The following AGBL4 variants were observed in gnomAD, a reference collection of about 807,000 sequenced individuals.
AGBL4 encodes the protein cytosolic carboxypeptidase 6.
A neutral mutation model predicts 66.4 loss-of-function variants in AGBL4; 58 were observed. That is an observed-to-expected ratio of 0.87 (90% CI 0.71 to 1.09). The LOEUF (loss-of-function observed/expected upper bound fraction) is 1.09, where lower values mean the gene tolerates loss of function less well. AGBL4 is among the 50% of genes least tolerant of loss of function. The pLI is 0.00. For missense variants in AGBL4, 579 were observed against 631.0 expected, an observed-to-expected ratio of 0.92 and a Z score of 0.88; for synonymous variants, 234 against 222.9, an observed-to-expected ratio of 1.05 and a Z score of -0.44.
chr1:48,896,012 G>A (rs1007568698), intron 5 of AGBL4, among the ~76,000 whole-genome samples: 4 of 152,188 alleles, frequency 2.6e-5, no homozygotes, highest in Non-Finnish European at 4.4e-5. Context: ...TTTGCAGGTT[G>A]CCATTCAAAA....
At chr1:49,061,358 T>A (rs890691407) in intron 4 of AGBL4, among the ~76,000 whole-genome samples, 4 of 152,122 alleles carry the variant, frequency 2.6e-5, no homozygotes, top group Admixed American at 1.3e-4. Context: ...AGATACCCCT[T>A]GAATATCAGT....
At chr1:49,632,189 A>T (rs1310644797) in intron 3 of AGBL4, among the ~76,000 whole-genome samples, 1 of 152,226 alleles carries the variant, frequency 6.6e-6, no homozygotes, top group Non-Finnish European at 1.5e-5. Context: ...TTGCTGGGTC[A>T]TATTAAGATT....
intron 1 of AGBL4, among the ~76,000 whole-genome samples, chr1:49,948,522 AATAAATATAT>A (rs1444988148): frequency 6.2e-5 from 6 of 97,212 alleles, no homozygotes; most frequent in African/African-American, 2.1e-4. Flanking sequence ...TAAAAATATA[AATAAATATAT>A]ATAAATATAT....
intron 3 of AGBL4, among the ~76,000 whole-genome samples, chr1:49,427,384 C>A (rs1045756609): frequency 1.3e-5 from 2 of 151,756 alleles, no homozygotes; most frequent in African/African-American, 4.8e-5. Context: ...AAAAAGGAAA[C>A]CTTCAGAAGG....
chr1:49,893,642 G>GA (rs1648877310), intron 1 of AGBL4, among the ~76,000 whole-genome samples: 1 of 152,168 alleles, frequency 6.6e-6, no homozygotes, highest in Non-Finnish European at 1.5e-5. Flanking sequence ...TCCACCAGTG[G>GA]AAAAATGAGG....
At chr1:49,297,737 T>C (rs1644669081) in intron 3 of AGBL4, among the ~76,000 whole-genome samples, 1 of 152,100 alleles carries the variant, frequency 6.6e-6, no homozygotes. Context: ...TTTTGAGTGG[T>C]CTAGAGTTTC....
intron 2 of AGBL4, among the ~76,000 whole-genome samples, chr1:49,811,534 A>C (rs1315804075): frequency 6.6e-6 from 1 of 152,186 alleles, no homozygotes; most frequent in Non-Finnish European, 1.5e-5. Context: ...ACTAATAATA[A>C]TAATGTCTCT....
intron 5 of AGBL4, among the ~76,000 whole-genome samples, chr1:49,026,888 A>T (rs1227407155): frequency 2.0e-5 from 3 of 152,164 alleles, no homozygotes; most frequent in Non-Finnish European, 2.9e-5. Flanking sequence ...TAATTTGTTC[A>T]TTTAATTTTT....
chr1:49,657,200 T>C (rs1328779703), intron 3 of AGBL4, among the ~76,000 whole-genome samples: 1 of 152,110 alleles, frequency 6.6e-6, no homozygotes, highest in East Asian at 1.9e-4. Context: ...ACAAACATTC[T>C]TATACACCAA....
chr1:48,917,855 T>C (rs1198917044), intron 5 of AGBL4, among the ~76,000 whole-genome samples: 1 of 152,194 alleles, frequency 6.6e-6, no homozygotes, highest in African/African-American at 2.4e-5. Context: ...TCATCATTTT[T>C]ATAGGGATCA....
chr1:49,402,911 T>C (rs1645117879), intron 3 of AGBL4, among the ~76,000 whole-genome samples: 1 of 152,210 alleles, frequency 6.6e-6, no homozygotes, highest in Non-Finnish European at 1.5e-5. Context: ...AGCTAACATA[T>C]GGTCTATCCT....
chr1:49,755,656 T>C (rs759739700), intron 2 of AGBL4, among the ~76,000 whole-genome samples: 9 of 152,180 alleles, frequency 5.9e-5, no homozygotes, highest in Non-Finnish European at 4.4e-5. Context: ...GAATCCATCA[T>C]ATTGTGAAAT....
intron 4 of AGBL4, among the ~76,000 whole-genome samples, chr1:49,121,559 C>T (rs1043514537): frequency 2.6e-5 from 4 of 152,144 alleles, no homozygotes; most frequent in African/African-American, 4.8e-5. Context: ...AATACTGCTG[C>T]CTGATCCTTC....
At chr1:49,912,346 T>C (rs1414833797) in intron 1 of AGBL4, among the ~76,000 whole-genome samples, 1 of 152,202 alleles carries the variant, frequency 6.6e-6, no homozygotes, top group African/African-American at 2.4e-5. Context: ...CCATCTGTGA[T>C]CTGATGGTTA....
At chr1:48,926,244 ATTATTTTATTTTATT>A (rs138261010) in intron 5 of AGBL4, among the ~76,000 whole-genome samples, 28 of 142,352 alleles carry the variant, frequency 2.0e-4, no homozygotes, top group East Asian at 1.1e-3. Flanking sequence ...ATGACCATGA[ATTATTTTATTTTATT>A]TTATTTTATT....
intron 5 of AGBL4, among the ~76,000 whole-genome samples, chr1:48,973,614 G>A (rs902193153): frequency 3.3e-5 from 5 of 152,114 alleles, no homozygotes; most frequent in Admixed American, 3.3e-4. Flanking sequence ...GGACTCAAGA[G>A]CTATAACAGG....
chr1:48,554,253 T>C (rs1402924118), intron 11 of AGBL4, among the ~76,000 whole-genome samples: 1 of 152,188 alleles, frequency 6.6e-6, no homozygotes, highest in East Asian at 1.9e-4. Flanking sequence ...CTTACATGGA[T>C]TAATGGAATG....
chr1:49,175,498 G>C, intron 4 of AGBL4, among the ~76,000 whole-genome samples: 1 of 151,936 alleles, frequency 6.6e-6, no homozygotes, highest in East Asian at 1.9e-4. Context: ...TGCTGAGGTG[G>C]GTGAAAATCA....
intron 3 of AGBL4, among the ~76,000 whole-genome samples, chr1:49,390,275 T>G (rs1338217): frequency 1.2e-4 from 19 of 152,358 alleles, no homozygotes; most frequent in Admixed American, 2.0e-4. Flanking sequence ...CTTGAAAATC[T>G]TTAAAAATCA....
Sources: gnomAD v4.1 joint callset for allele counts (sites outside exome capture counted in the v4.1 genomes callset) on GRCh38, gnomAD v4.1.1 for gene constraint, MANE v1.5 for transcripts, NCBI Gene and HGNC (gene_info 2026-07-23, HGNC 2026-07-21) for gene names.